The following CCDC172 variants were observed in gnomAD, a reference collection of about 807,000 sequenced individuals.
CCDC172 encodes coiled-coil domain containing 172.
A neutral mutation model predicts 38.0 loss-of-function variants in CCDC172; 30 were observed. The observed-to-expected ratio is 0.79, with a 90% CI of 0.59 to 1.07. The LOEUF is 1.07. Among genes scored for constraint, CCDC172 ranks in the 50% least tolerant of loss-of-function variants. CCDC172 has a pLI of 0.00. For synonymous variants in CCDC172, 78 were observed against 88.3 expected, an observed-to-expected ratio of 0.88 and a Z score of 0.66; for missense variants, 297 against 290.1, an observed-to-expected ratio of 1.02 and a Z score of -0.17.
In CCDC172 at chr10:116,325,434, C is replaced by G. The variant is rs886065859; in HGVS notation, c.165+46C>G. 4 of 1,447,598 alleles carry G rather than the reference C, an allele frequency of 2.8e-6. No individual in the cohort carries two copies. In the East Asian group the frequency reaches 9.2e-5, roughly 33 times the overall value. 89.7% of individuals were successfully genotyped at this position (1,447,598 alleles called of 1,614,324 possible). ...CTAATTATCACTTGAAAAAGCCTGC[C>G]TTAACTTGACTTTTGGGGGATATTT... is the stretch of plus-strand genomic sequence containing the variant. On this transcript the variant is annotated intron_variant, in intron 3 of 8. Coordinates refer to ENST00000333254, the MANE Select transcript of CCDC172 (RefSeq NM_198515.3).
chr10:116,367,116 T>C (rs1019677319), intron 7 of CCDC172, among the ~76,000 whole-genome samples: 15 of 152,344 alleles, frequency 9.8e-5, no homozygotes, highest in African/African-American at 3.6e-4. Context: ...TTTTGTTGTT[T>C]GCTTTAGGCT....
intron 3 of CCDC172, among the ~76,000 whole-genome samples, chr10:116,332,689 T>A (rs1040021878): frequency 1.1e-4 from 17 of 152,256 alleles, no homozygotes; most frequent in African/African-American, 4.1e-4. Context: ...CTTCCCTGAT[T>A]GCTTTTATGA....
In CCDC172 at chr10:116,342,122, G is replaced by T. The variant is rs1463526586; in HGVS notation, c.369G>T (p.Lys123Asn). ...TTAATAATGATTATGAAATAACAAA[G>T]AAAAGAGAGCTTTTGATGAAAGAAA... ...TDFNNDYEIT[K>N]KRELLMKENV... Residue 123 changes from lysine to asparagine, a missense_variant, in exon 5 of 9, where the codon AAG becomes AAT. By Grantham distance (94) the Lys-to-Asn change is moderately conservative. Transcript: ENST00000333254. 1.9e-6 allele frequency: 3 copies of T among 1,550,640 alleles called. No homozygotes were observed. The highest frequency in any genetic ancestry group is 2.6e-6 in the Non-Finnish European group (3 of 1,158,238).
At chr10:116,362,154 AC>A (rs1232359768) in intron 7 of CCDC172, among the ~76,000 whole-genome samples, 1 of 152,120 alleles carries the variant, frequency 6.6e-6, no homozygotes, top group Non-Finnish European at 1.5e-5. Flanking sequence ...CGCTTTTCAT[AC>A]CCTTGCTCTG....
chr10:116,357,514 A>T, intron 6 of CCDC172, 33 bp downstream of exon 6: 1 of 1,452,096 alleles, frequency 6.9e-7, no homozygotes, highest in Admixed American at 2.5e-5. Context: ...TATTTTGCTG[A>T]TAAATATAGT....
At chr10:116,353,011 G>C (rs1459578729) in intron 5 of CCDC172, among the ~76,000 whole-genome samples, 1 of 152,034 alleles carries the variant, frequency 6.6e-6, no homozygotes, top group African/African-American at 2.4e-5. Flanking sequence ...GGCTAACATG[G>C]TGAAACCCCG....
chr10:116,344,660 A>C (rs1844841852), intron 5 of CCDC172, among the ~76,000 whole-genome samples: 1 of 152,162 alleles, frequency 6.6e-6, no homozygotes, highest in Non-Finnish European at 1.5e-5. Flanking sequence ...CTAAGTTTGT[A>C]AAAAGAATTT....
intron 5 of CCDC172, among the ~76,000 whole-genome samples, chr10:116,347,763 A>G (rs1038224677): frequency 1.3e-5 from 2 of 152,176 alleles, no homozygotes; most frequent in Non-Finnish European, 2.9e-5. Context: ...TGGAAAACAA[A>G]GACAAAATTG....
At chr10:116,347,556 A>T (rs1844882321) in intron 5 of CCDC172, among the ~76,000 whole-genome samples, 1 of 152,088 alleles carries the variant, frequency 6.6e-6, no homozygotes, top group African/African-American at 2.4e-5. Flanking sequence ...AGAGGGAAGG[A>T]GGGAAAAATG....
intron 7 of CCDC172, among the ~76,000 whole-genome samples, chr10:116,371,302 C>T (rs572434519): frequency 2.0e-5 from 3 of 151,806 alleles, no homozygotes; most frequent in Non-Finnish European, 4.4e-5. Flanking sequence ...TGAAGATAAT[C>T]ATATTATTTT....
chr10:116,342,377 T>C (rs1306845792), intron 5 of CCDC172, 176 bp downstream of exon 5: 1 of 473,282 alleles, frequency 2.1e-6, no homozygotes, highest in East Asian at 4.3e-5. Context: ...TTTCAAATGA[T>C]TTAGAAGTAC....
At chr10:116,343,018 T>C (rs935619106) in intron 5 of CCDC172, among the ~76,000 whole-genome samples, 9 of 152,154 alleles carry the variant, frequency 5.9e-5, no homozygotes, top group African/African-American at 2.2e-4. Context: ...TTTATAGTAG[T>C]GCAAGAATGG....
intron 7 of CCDC172, 128 bp from the exon 8 acceptor site, chr10:116,378,295 A>C: frequency 4.2e-6 from 4 of 954,978 alleles, no homozygotes; most frequent in Non-Finnish European, 5.8e-6. Flanking sequence ...TAGATAATTA[A>C]AATATGCCAA....
chr10:116,372,324 T>A (rs189857492), intron 7 of CCDC172, among the ~76,000 whole-genome samples: 362 of 152,244 alleles, frequency 2.4e-3, no homozygotes, highest in East Asian at 7.9e-3. Flanking sequence ...TTGCCTTTTT[T>A]AAAACTTACA....
chr10:116,378,101 A>G (rs994372278), intron 7 of CCDC172, among the ~76,000 whole-genome samples: 1 of 152,074 alleles, frequency 6.6e-6, no homozygotes, highest in African/African-American at 2.4e-5. Context: ...GAATCGCTTG[A>G]ACCCAGGAAG....
At chr10:116,337,924 T>C (rs911007391) in intron 3 of CCDC172, among the ~76,000 whole-genome samples, 7 of 147,766 alleles carry the variant, frequency 4.7e-5, no homozygotes, top group Non-Finnish European at 8.8e-5. Flanking sequence ...AAAAAATAAC[T>C]TAAGAAATCA....
intron 7 of CCDC172, among the ~76,000 whole-genome samples, chr10:116,371,014 C>T (rs1033049324): frequency 5.3e-5 from 8 of 151,656 alleles, no homozygotes; most frequent in African/African-American, 1.9e-4. Context: ...TATTTTGTCT[C>T]TCAAACTATT....
intron 5 of CCDC172, among the ~76,000 whole-genome samples, chr10:116,353,080 C>G (rs543993215): frequency 6.6e-6 from 1 of 151,984 alleles, no homozygotes; most frequent in African/African-American, 2.4e-5. Context: ...GTAGTCCCAG[C>G]TACTCAGGAG....
intron 3 of CCDC172, among the ~76,000 whole-genome samples, chr10:116,340,422 G>A (rs1342659371): frequency 6.6e-6 from 1 of 151,776 alleles, no homozygotes; most frequent in Non-Finnish European, 1.5e-5. Flanking sequence ...TTCAATGTGT[G>A]TATTCAAAAA....
Sources: gnomAD v4.1 joint callset for allele counts (sites outside exome capture counted in the v4.1 genomes callset) on GRCh38, gnomAD v4.1.1 for gene constraint, MANE v1.5 for transcripts, NCBI Gene and HGNC (gene_info 2026-07-23, HGNC 2026-07-21) for gene names.